The following AAK1 variants were observed in gnomAD, a reference collection of about 807,000 sequenced individuals.
The protein encoded by AAK1 is AP2-associated protein kinase 1.
A neutral mutation model predicts 116.0 loss-of-function variants in AAK1; 37 were observed. That is an observed-to-expected ratio of 0.32 (90% CI 0.25 to 0.42). The LOEUF is 0.42. Among genes scored for constraint, AAK1 ranks in the 10% least tolerant of loss-of-function variants. The pLI, the probability that AAK1 is intolerant of heterozygous loss-of-function variation, is 1.00. For missense variants in AAK1, 919 were observed against 1,170.6 expected (o/e 0.79, Z 3.14); for synonymous variants, 458 against 439.9 (o/e 1.04, Z -0.51).
rs552727974 is a variant in AAK1, at chr2:69,568,210, C to T, written c.164-11232G>A. On this transcript the variant is annotated intron_variant, in intron 2 of 21. Transcript: ENST00000409085. ...GGGAGACTCAGCAAAGCTGAAGTTC[C>T]GGCTGACATTCTCTCAGCTCCCAAA... Among the ~76,000 whole-genome samples the T allele has an allele frequency of 5.9e-5, 9 of 152,252 alleles. No individual in the cohort carries two copies. The South Asian group carries it at 1.7e-3, about 28-fold the overall frequency.
At chr2:69,612,361 T>C (rs1230458038) in intron 2 of AAK1, among the ~76,000 whole-genome samples, 4 of 152,244 alleles carry the variant, frequency 2.6e-5, no homozygotes, top group Non-Finnish European at 4.4e-5. Context: ...GCAGACAACT[T>C]TGTGGCAAGT....
chr2:69,483,174 C>T (rs893161648), intron 17 of AAK1, among the ~76,000 whole-genome samples: 4 of 152,166 alleles, frequency 2.6e-5, no homozygotes, highest in African/African-American at 4.8e-5. Flanking sequence ...TGAAATGATA[C>T]AGAACATTTC....
At chr2:69,615,701 C>T (rs1674297384) in intron 2 of AAK1, among the ~76,000 whole-genome samples, 1 of 152,228 alleles carries the variant, frequency 6.6e-6, no homozygotes, top group Non-Finnish European at 1.5e-5. Flanking sequence ...CTGGCTTCAA[C>T]TCCTATACTT....
At chr2:69,483,883 T>C (rs1176258820) in intron 17 of AAK1, among the ~76,000 whole-genome samples, 2 of 152,228 alleles carry the variant, frequency 1.3e-5, no homozygotes, top group African/African-American at 4.8e-5. Context: ...ACATTTGGAT[T>C]CCTTCCAAAA....
At chr2:69,580,883 C>A (rs183733189) in intron 2 of AAK1, among the ~76,000 whole-genome samples, 1 of 152,216 alleles carries the variant, frequency 6.6e-6, no homozygotes, top group South Asian at 2.1e-4. Flanking sequence ...CAGTCTAATG[C>A]GCAAAATGAT....
chr2:69,485,095 A>T (rs1037529571), intron 17 of AAK1, among the ~76,000 whole-genome samples: 1 of 152,110 alleles, frequency 6.6e-6, no homozygotes, highest in African/African-American at 2.4e-5. Flanking sequence ...AAAAAGTCTA[A>T]CTTTGCATTG....
intron 2 of AAK1, among the ~76,000 whole-genome samples, chr2:69,615,809 A>G (rs192892692): frequency 1.3e-5 from 2 of 152,368 alleles, no homozygotes; most frequent in Admixed American, 6.5e-5. Context: ...AAAAACACCT[A>G]TAACTGTTTT....
chr2:69,488,917 C>T (rs1477520393), intron 17 of AAK1, among the ~76,000 whole-genome samples: 7 of 151,964 alleles, frequency 4.6e-5, no homozygotes, highest in South Asian at 2.1e-4. Context: ...ACTGACCAGG[C>T]GCAGTGGCTC....
chr2:69,563,424 G>T (rs1671730343), intron 2 of AAK1, among the ~76,000 whole-genome samples: 1 of 152,208 alleles, frequency 6.6e-6, no homozygotes, highest in Admixed American at 6.5e-5. Flanking sequence ...CTGAGACAGG[G>T]TTTCTGGGTT....
At chr2:69,562,625 C>A (rs896915589) in intron 2 of AAK1, among the ~76,000 whole-genome samples, 8 of 152,184 alleles carry the variant, frequency 5.3e-5, no homozygotes, top group African/African-American at 1.9e-4. Context: ...GACACGGTGG[C>A]TCATGTCTGT....
chr2:69,475,896 C>G lies in AAK1; in HGVS notation c.2859G>C (p.Leu953=). Reference sequence around the variant, plus strand: ...ACAGGTCTATGAGCTGATCCACCAGCAGTAAAGACCTGGCTAGGTTGGGAA... The same window carrying G: ...ACAGGTCTATGAGCTGATCCACCAGGAGTAAAGACCTGGCTAGGTTGGGAA... ...SSLPNLARSL[L]LVDQLIDL The change falls in exon 22 of 22, where the codon CTG becomes CTC. Residue 953 remains leucine (L), a synonymous_variant. Transcript: ENST00000409085. The G allele has an allele frequency of 6.2e-7, 1 of 1,612,210 alleles. No homozygotes were observed. The highest frequency in any genetic ancestry group is 8.5e-7 in the Non-Finnish European group (1 of 1,179,284).
At position 69,475,054 on chromosome 2, in the gene AAK1, C is replaced by A. The variant is rs72893594; in HGVS notation, c.*815G>T. 10,126 of 972,304 alleles carry A rather than the reference C, an allele frequency of 0.01. 656 individuals are homozygous for A. The African/African-American group carries it at 0.16, about 15-fold the overall frequency. The allele number at this position is 972,304 out of a possible 1,614,324, so 60.2% of individuals were successfully genotyped here. ...CTTGTTTTGGTCTAATTCTGAGATC[C>A]CACTTGGAACAGTTAACATGAAAAG... On this transcript the variant is annotated 3_prime_UTR_variant, in exon 22 of 22. Transcript: ENST00000409085.
chr2:69,546,513 C>A (rs567980364), intron 3 of AAK1, among the ~76,000 whole-genome samples: 1 of 152,124 alleles, frequency 6.6e-6, no homozygotes, highest in African/African-American at 2.4e-5. Flanking sequence ...GGATCATATC[C>A]TCCAAATATT....
intron 2 of AAK1, among the ~76,000 whole-genome samples, chr2:69,606,521 G>A (rs1222906396): frequency 6.6e-6 from 1 of 152,200 alleles, no homozygotes. Context: ...ATAAAAATCT[G>A]TAGGTCACTT....
rs1432909971 is a variant in AAK1, at chr2:69,461,735, G to A, written c.*14134C>T. 2 of 356,580 alleles carry A rather than the reference G, an allele frequency of 5.6e-6. No homozygotes were observed. Among genetic ancestry groups the A allele is most frequent in the Non-Finnish European group, 1.1e-5 (2 of 181,278 alleles). The allele number at this position is 356,580 out of a possible 1,614,324, so 22.1% of individuals were successfully genotyped here. A position where few individuals can be genotyped will look rare whatever the true frequency, so the allele number is the denominator to read the frequency against. On this transcript the variant is annotated 3_prime_UTR_variant, in exon 22 of 22. Transcript: ENST00000409085. ...GCCTCCCTAGTAACTGGGACTACAGGTGCGTGCCATCACGCCCAGCTACTT... is the reference window on the plus strand; with the variant it reads ...GCCTCCCTAGTAACTGGGACTACAGATGCGTGCCATCACGCCCAGCTACTT...
At position 69,466,395 on chromosome 2, in the gene AAK1, C is replaced by T; in HGVS notation, c.*9474G>A. 1 of 1,289,818 alleles carries T rather than the reference C, an allele frequency of 7.8e-7. No homozygotes were observed. The highest frequency in any genetic ancestry group is 1.0e-6 in the Non-Finnish European group (1 of 988,882). 79.9% of individuals were successfully genotyped at this position (1,289,818 alleles called of 1,614,324 possible). ...GTGGAATGAGCTGTTGCTTGAAGGG[C>T]CATCTCTGGCCAAGTAGTCAGATTC... On this transcript the variant is annotated 3_prime_UTR_variant, in exon 22 of 22. Transcript: ENST00000409085.
chr2:69,512,677 G>C (rs1032336636), intron 13 of AAK1, among the ~76,000 whole-genome samples: 1 of 152,218 alleles, frequency 6.6e-6, no homozygotes, highest in Non-Finnish European at 1.5e-5. Context: ...ATGGCTCCTG[G>C]CCAAAGCATG....
rs748562145 is a variant in AAK1 at position 69,542,566 on chromosome 2, C to T, written c.491G>A (p.Arg164His). The T allele has an allele frequency of 5.0e-6, 8 of 1,613,982 alleles. No individual in the cohort carries two copies. The highest frequency in any genetic ancestry group is 4.5e-5 in the East Asian group (2 of 44,884). Reference protein sequence around the residue: ...IFCDTCEAVARLHQCKTPIIH... With the variant: ...IFCDTCEAVAHLHQCKTPIIH... ...AATAGGAGTTTTGCACTGATGCAGG[C>T]GGGCAACAGCTTCACAGGTATCACA... The change falls in exon 5 of 22, where the codon CGC (arginine) becomes CAC (histidine). Residue 164 changes from arginine (R) to histidine (H), a missense_variant. By Grantham distance (29) the Arg-to-His change is conservative. Transcript: ENST00000409085.
Position 69,472,232 on chromosome 2 carries a change from C to G in AAK1, c.*3637G>C. 1 of 881,312 alleles carries G rather than the reference C, an allele frequency of 1.1e-6. No homozygotes were observed. 54.6% of individuals were successfully genotyped at this position (881,312 alleles called of 1,614,324 possible). A position where few individuals can be genotyped will look rare whatever the true frequency, so the allele number is the denominator to read the frequency against. On this transcript the variant is annotated 3_prime_UTR_variant, in exon 22 of 22. Transcript: ENST00000409085. ...TTTTTACTGTCTTCAACAGTAACCA[C>G]TCTTCATCTTACAGGGTTGAATTTG...
Sources: allele counts gnomAD v4.1 joint callset (sites outside exome capture counted in the v4.1 genomes callset), GRCh38; gene constraint gnomAD v4.1.1; transcripts MANE v1.5; gene names NCBI Gene and HGNC (gene_info 2026-07-23, HGNC 2026-07-21).